GPC5: variants seen among roughly 807,000 people sequenced by gnomAD.
The protein encoded by GPC5 is glypican-5.
A neutral mutation model predicts 53.9 loss-of-function variants in GPC5; 47 were observed. The observed-to-expected ratio is 0.87, with a 90% CI of 0.69 to 1.11. GPC5 has a LOEUF of 1.11. Among genes scored for constraint, GPC5 ranks in the 50% most tolerant of loss-of-function variants. The pLI is 0.00. For synonymous variants in GPC5, 286 were observed against 263.3 expected (o/e 1.09, Z -0.84); for missense variants, 748 against 713.1 (o/e 1.05, Z -0.56).
intron 5 of GPC5, among the ~76,000 whole-genome samples, chr13:91,894,456 A>C (rs1487972504): frequency 6.6e-6 from 1 of 152,162 alleles, no homozygotes; most frequent in Non-Finnish European, 1.5e-5. Context: ...CCCCATGATG[A>C]CCATTGATCC....
chr13:91,518,727 G>A (rs1438689103), intron 2 of GPC5, among the ~76,000 whole-genome samples: 1 of 152,094 alleles, frequency 6.6e-6, no homozygotes, highest in Non-Finnish European at 1.5e-5. Context: ...TAATATTTTT[G>A]TATTTTTAGT....
rs117862646 is a variant in GPC5 at position 92,674,109 on chromosome 13, G to A, written c.1562-192173G>A. Among the ~76,000 whole-genome samples the A allele has an allele frequency of 4.7e-3, 720 of 152,240 alleles. 15 individuals are homozygous for A. Among genetic ancestry groups the A allele is most frequent in the Admixed American group, 8.2e-3 (125 of 15,286 alleles). ...ATCTATGCCTTCCATTTGATTGGCC[G>A]TGTAACTTTTTGTTTTGTGCATGGA... On this transcript the variant is annotated intron_variant, in intron 7 of 7. Coordinates refer to ENST00000377067, the MANE Select transcript of GPC5 (RefSeq NM_004466.6).
At position 92,327,285 on chromosome 13, in the gene GPC5, G is replaced by A. The variant is rs2043258403; in HGVS notation, c.1561+182296G>A. On this transcript the variant is annotated intron_variant, in intron 7 of 7. Coordinates refer to ENST00000377067, the MANE Select transcript of GPC5 (RefSeq NM_004466.6). The stretch of plus-strand genomic sequence containing the variant: ...AACTTGCCGCTATACTCTCAGAGCA[G>A]CCCAATTTATCTTTTGAAAACACTT... Among the ~76,000 whole-genome samples, 3 of 152,096 alleles carry A rather than the reference G, an allele frequency of 2.0e-5. No homozygotes were observed. In the South Asian group the frequency reaches 6.2e-4, roughly 31 times the overall value.
rs1394483758 is a variant in GPC5 at position 92,023,694 on chromosome 13, A to T, written c.1401+115637A>T. On this transcript the variant is annotated intron_variant, in intron 6 of 7. Coordinates refer to ENST00000377067, the MANE Select transcript of GPC5 (RefSeq NM_004466.6). ...CACACACACACACACACACACACACACTCTCTCTCTCTCTTATAAATTTAT... is the reference window on the plus strand; with the variant it reads ...CACACACACACACACACACACACACTCTCTCTCTCTCTCTTATAAATTTAT... Among the ~76,000 whole-genome samples the T allele has an allele frequency of 2.8e-3, 417 of 148,010 alleles. 1 individual carries two copies. Among genetic ancestry groups the T allele is most frequent in the African/African-American group, 9.9e-3 (397 of 40,184 alleles).
intron 7 of GPC5, among the ~76,000 whole-genome samples, chr13:92,776,232 T>G (rs757221905): frequency 1.4e-4 from 21 of 152,154 alleles, no homozygotes; most frequent in Admixed American, 5.2e-4. Context: ...AGGCCAGTAG[T>G]GTAGCGTCTT....
chr13:92,116,092 A>G (rs984339234), intron 6 of GPC5, among the ~76,000 whole-genome samples: 4 of 152,074 alleles, frequency 2.6e-5, no homozygotes, highest in African/African-American at 9.7e-5. Context: ...CTCTACAAAA[A>G]AATCAGAAAA....
At chr13:92,628,266 T>TTCTTTTTTTTTC (rs1885119515) in intron 7 of GPC5, among the ~76,000 whole-genome samples, 1 of 37,002 alleles carries the variant, frequency 2.7e-5, no homozygotes, top group African/African-American at 1.2e-4. Flanking sequence ...TTTTCTTTCT[T>TTCTTTTTTTTTC]TTTTTTTTTT....
chr13:92,505,980 G>A (rs940212978), intron 7 of GPC5, among the ~76,000 whole-genome samples: 1 of 152,140 alleles, frequency 6.6e-6, no homozygotes, highest in African/African-American at 2.4e-5. Flanking sequence ...GGACTGTAAA[G>A]AGATGGAAGG....
At chr13:92,344,727 A>G (rs1566548187) in intron 7 of GPC5, among the ~76,000 whole-genome samples, 1 of 152,170 alleles carries the variant, frequency 6.6e-6, no homozygotes, top group Non-Finnish European at 1.5e-5. Flanking sequence ...CCAGCACCAG[A>G]GGAGAAAGCA....
At chr13:92,527,185 G>GA (rs1227463889) in intron 7 of GPC5, among the ~76,000 whole-genome samples, 1 of 12,708 alleles carries the variant, frequency 7.9e-5, no homozygotes, top group Non-Finnish European at 1.5e-4. Context: ...AAAGAAAGAA[G>GA]AAAGAAAGAA....
At chr13:91,564,137 A>G (rs1383017024) in intron 2 of GPC5, among the ~76,000 whole-genome samples, 6 of 152,162 alleles carry the variant, frequency 3.9e-5, no homozygotes, top group Non-Finnish European at 5.9e-5. Flanking sequence ...AACACGAAAC[A>G]TGTGTCCTTT....
intron 6 of GPC5, among the ~76,000 whole-genome samples, chr13:92,080,553 C>G (rs1458829878): frequency 6.6e-6 from 1 of 152,166 alleles, no homozygotes; most frequent in Non-Finnish European, 1.5e-5. Flanking sequence ...TATATTTGAA[C>G]AATTCTTTGT....
intron 7 of GPC5, among the ~76,000 whole-genome samples, chr13:92,206,155 A>ATTTTTTGTTTTTTTTTTTT (rs1566484645): frequency 1.8e-5 from 1 of 54,926 alleles, no homozygotes; most frequent in African/African-American, 9.3e-5. Flanking sequence ...TGTTTTTTTT[A>ATTTTTTGTTTTTTTTTTTT]TTTTTTTTTT....
intron 7 of GPC5, among the ~76,000 whole-genome samples, chr13:92,527,981 T>C (rs573545887): frequency 3.9e-5 from 6 of 152,290 alleles, no homozygotes; most frequent in Middle Eastern, 3.4e-3. Flanking sequence ...TATTCCAATG[T>C]TGATTCATTC....
chr13:91,950,049 C>T (rs904843802), intron 6 of GPC5, among the ~76,000 whole-genome samples: 12 of 152,188 alleles, frequency 7.9e-5, no homozygotes, highest in Admixed American at 7.9e-4. Context: ...CTTAATTAAG[C>T]TTTGGAGGGA....
chr13:92,562,691 G>C (rs764724849), intron 7 of GPC5, among the ~76,000 whole-genome samples: 1 of 151,906 alleles, frequency 6.6e-6, no homozygotes, highest in African/African-American at 2.4e-5. Context: ...CTAGATTCCA[G>C]TCCAAGAGAG....
At chr13:92,126,811 A>T (rs2041701032) in intron 6 of GPC5, among the ~76,000 whole-genome samples, 1 of 82,438 alleles carries the variant, frequency 1.2e-5, no homozygotes, top group Non-Finnish European at 3.1e-5. Context: ...GGAAAGGAAA[A>T]GTTGGAGTGT....
At chr13:92,548,749 C>T (rs4773689) in intron 7 of GPC5, among the ~76,000 whole-genome samples, 65,008 of 151,772 alleles carry the variant, frequency 0.43, 14,619 homozygotes, top group African/African-American at 0.56. Flanking sequence ...TTTCCCAGAA[C>T]TCCTATTTCT....
chr13:92,006,935 G>T (rs2138765366), intron 6 of GPC5, among the ~76,000 whole-genome samples: 1 of 150,040 alleles, frequency 6.7e-6, no homozygotes, highest in South Asian at 2.1e-4. Context: ...AGCATACATA[G>T]TTGTGGATGT....
Sources: allele counts gnomAD v4.1 joint callset (sites outside exome capture counted in the v4.1 genomes callset), GRCh38; gene constraint gnomAD v4.1.1; transcripts MANE v1.5; gene names NCBI Gene and HGNC (gene_info 2026-07-23, HGNC 2026-07-21).